Variants in SLC1A1 observed in about 807,000 individuals in gnomAD.
SLC1A1 encodes excitatory amino acid transporter 3.
A neutral mutation model predicts 53.3 loss-of-function variants in SLC1A1; 43 were observed. The ratio of observed to expected loss-of-function variants is 0.81; its 90% confidence interval spans 0.63 to 1.04. The LOEUF (loss-of-function observed/expected upper bound fraction) is 1.04, where lower values mean the gene tolerates loss of function less well. SLC1A1 is among the 50% of genes least tolerant of loss of function. The pLI is 0.00. For missense variants in SLC1A1, 748 were observed against 664.9 expected, an observed-to-expected ratio of 1.12 and a Z score of -1.37; for synonymous variants, 307 against 243.2, an observed-to-expected ratio of 1.26 and a Z score of -2.44.
chr9:4,577,469 C>CAT, intron 10 of SLC1A1, among the ~76,000 whole-genome samples: 1 of 152,208 alleles, frequency 6.6e-6, no homozygotes, highest in Middle Eastern at 3.4e-3. Context: ...GACAGATTTG[C>CAT]ATTTTATGTA....
In SLC1A1 at chr9:4,511,601, T is replaced by A. The variant is rs62545870; in HGVS notation, c.91+20831T>A. ...CACACACACACACACACACACACAC[T>A]ACACTACACTACAGCTTATATTTAA... On this transcript the variant is annotated intron_variant, in intron 1 of 11. Coordinates refer to ENST00000262352, the MANE Select transcript of SLC1A1 (RefSeq NM_004170.6). 5.8e-5 allele frequency among the ~76,000 whole-genome samples: 4 copies of A among 69,354 alleles called. No homozygotes were observed. In the South Asian group the frequency reaches 1.3e-3, roughly 22 times the overall value. The allele number at this position is 69,354 out of a possible 152,430, so 45.5% of individuals were successfully genotyped here. A position where few individuals can be genotyped will look rare whatever the true frequency, so the allele number is the denominator to read the frequency against.
At chr9:4,522,652 GA>G (rs939300018) in intron 1 of SLC1A1, among the ~76,000 whole-genome samples, 2 of 152,150 alleles carry the variant, frequency 1.3e-5, no homozygotes, top group African/African-American at 4.8e-5. Context: ...GAGGCCTCAG[GA>G]AACTTACAAT....
intron 1 of SLC1A1, among the ~76,000 whole-genome samples, chr9:4,501,285 C>T (rs892184925): frequency 6.6e-6 from 1 of 151,308 alleles, no homozygotes; most frequent in East Asian, 2.0e-4. Flanking sequence ...CAGGTTCAAA[C>T]AATTTTCCTG....
At position 4,493,508 on chromosome 9, in the gene SLC1A1, C is replaced by A. The variant is rs140035711; in HGVS notation, c.91+2738C>A. 1.6e-4 allele frequency among the ~76,000 whole-genome samples: 24 copies of A among 152,294 alleles called. No homozygotes were observed. The East Asian group carries it at 4.2e-3, about 27-fold the overall frequency. On this transcript the variant is annotated intron_variant, in intron 1 of 11. Coordinates refer to ENST00000262352, the MANE Select transcript of SLC1A1 (RefSeq NM_004170.6). ...TCGCAAGAGCTCTAATGCAGCCTCC[C>A]TTTTGGACTTTTCAGCATGTGGAAC...
At chr9:4,534,144 A>G (rs1816583975) in intron 1 of SLC1A1, among the ~76,000 whole-genome samples, 3 of 152,192 alleles carry the variant, frequency 2.0e-5, no homozygotes, top group Non-Finnish European at 4.4e-5. Context: ...ATCACAATTA[A>G]AAGAACTAGA....
chr9:4,530,268 A>C (rs1816417761), intron 1 of SLC1A1, among the ~76,000 whole-genome samples: 1 of 152,168 alleles, frequency 6.6e-6, no homozygotes, highest in Non-Finnish European at 1.5e-5. Context: ...AATATTGTGG[A>C]TAAAGTCTGG....
At chr9:4,546,903 G>T (rs17756556) in intron 2 of SLC1A1, among the ~76,000 whole-genome samples, 1 of 152,104 alleles carries the variant, frequency 6.6e-6, no homozygotes, top group Non-Finnish European at 1.5e-5. Flanking sequence ...TATTTTGCAC[G>T]CAATTGCACA....
At chr9:4,576,910 T>C in intron 10 of SLC1A1, 147 bp downstream of exon 10, 2 of 780,276 alleles carry the variant, frequency 2.6e-6, no homozygotes, top group Non-Finnish European at 4.3e-6. Flanking sequence ...AATACGACTA[T>C]ATCCTGGTAT....
intron 2 of SLC1A1, among the ~76,000 whole-genome samples, chr9:4,559,626 C>T (rs1818741761): frequency 6.6e-6 from 1 of 152,190 alleles, no homozygotes; most frequent in Non-Finnish European, 1.5e-5. Context: ...TACAGGTTTA[C>T]TGCCTTTCCC....
intron 2 of SLC1A1, among the ~76,000 whole-genome samples, chr9:4,547,757 A>AATGTATACAAATTTATATTGTATATAT (rs1817603796): frequency 6.6e-6 from 1 of 151,420 alleles, no homozygotes; most frequent in Non-Finnish European, 1.5e-5. Flanking sequence ...AAGCAACCTA[A>AATGTATACAAATTTATATTGTATATAT]ATGTATACAA....
At position 4,535,236 on chromosome 9, in the gene SLC1A1, G is replaced by A. The variant is rs184818330; in HGVS notation, c.92-9331G>A. On this transcript the variant is annotated intron_variant, in intron 1 of 11. Coordinates refer to ENST00000262352, the MANE Select transcript of SLC1A1 (RefSeq NM_004170.6). The stretch of plus-strand genomic sequence containing the variant: ...AATCAGGCTGGAGAAGGAAATAAAG[G>A]GGATTCAATTAGGAAAAGAGAAGTC... Among the ~76,000 whole-genome samples the A allele has an allele frequency of 3.3e-3, 496 of 152,194 alleles. 1 individual carries two copies. Among genetic ancestry groups the A allele is most frequent in the Middle Eastern group, 0.02 (6 of 294 alleles).
chr9:4,521,297 A>G (rs1816063053), intron 1 of SLC1A1, among the ~76,000 whole-genome samples: 1 of 152,148 alleles, frequency 6.6e-6, no homozygotes, highest in African/African-American at 2.4e-5. Context: ...ACTACCTCCT[A>G]TTTACCCATA....
intron 8 of SLC1A1, among the ~76,000 whole-genome samples, chr9:4,575,364 G>A (rs1820447840): frequency 6.6e-6 from 1 of 152,164 alleles, no homozygotes; most frequent in African/African-American, 2.4e-5. Context: ...GTTTGAGAAG[G>A]CAGGAATAAC....
At chr9:4,561,595 C>A in intron 3 of SLC1A1, 54 bp downstream of exon 3, 1 of 1,155,188 alleles carries the variant, frequency 8.7e-7, no homozygotes, top group Non-Finnish European at 1.3e-6. Flanking sequence ...TTTTTTCATT[C>A]GAAAAGTAGT....
At chr9:4,552,663 G>A (rs537369003) in intron 2 of SLC1A1, among the ~76,000 whole-genome samples, 2 of 152,168 alleles carry the variant, frequency 1.3e-5, no homozygotes, top group East Asian at 1.9e-4. Flanking sequence ...AGAGAGTCCA[G>A]TGGTTAAGAG....
At chr9:4,582,914 A>C in intron 10 of SLC1A1, 124 bp from the exon 11 acceptor site, 1 of 1,270,954 alleles carries the variant, frequency 7.9e-7, no homozygotes, top group African/African-American at 1.5e-5. Context: ...ACAGATTCTA[A>C]CTACCCAATT....
intron 1 of SLC1A1, among the ~76,000 whole-genome samples, chr9:4,530,914 A>G (rs775647380): frequency 1.1e-4 from 16 of 152,308 alleles, no homozygotes; most frequent in Non-Finnish European, 2.9e-5. Context: ...CCTTTGCTTG[A>G]CATTTCATGC....
chr9:4,574,966 A>G (rs1159942464), intron 8 of SLC1A1, among the ~76,000 whole-genome samples: 3 of 152,144 alleles, frequency 2.0e-5, no homozygotes, highest in Non-Finnish European at 2.9e-5. Context: ...GGGACCTCCA[A>G]TTCACTGGAG....
At chr9:4,571,547 G>C (rs933356888) in intron 6 of SLC1A1, among the ~76,000 whole-genome samples, 2 of 152,032 alleles carry the variant, frequency 1.3e-5, no homozygotes, top group African/African-American at 4.8e-5. Flanking sequence ...TGTGGGGGCG[G>C]ATGCCTGTAA....
Sources: gnomAD v4.1 joint callset for allele counts (sites outside exome capture counted in the v4.1 genomes callset) on GRCh38, gnomAD v4.1.1 for gene constraint, MANE v1.5 for transcripts, NCBI Gene and HGNC (gene_info 2026-07-23, HGNC 2026-07-21) for gene names.